The following RLIG1 variants were observed in gnomAD, a reference collection of about 807,000 sequenced individuals.
RLIG1 encodes the protein RNA 5'-phosphate and 3'-OH ligase 1.
the RLIG1 span, chr12:88,048,196 T>A: frequency 2.8e-6 from 4 of 1,436,592 alleles, no homozygotes; most frequent in Non-Finnish European, 3.7e-6. Context: ...GAAGATAGTA[T>A]CTGTATGCTA....
chr12:88,043,702 T>C, the RLIG1 span: 1 of 1,609,346 alleles, frequency 6.2e-7, no homozygotes, highest in Non-Finnish European at 8.5e-7. Context: ...CTGATGAAAA[T>C]GGACACATTC....
chr12:88,036,185 A>G, the RLIG1 span: 4 of 780,864 alleles, frequency 5.1e-6, no homozygotes, highest in African/African-American at 1.8e-5. Flanking sequence ...TGTTGACAGT[A>G]GCCTAATTAG....
chr12:88,047,251 T>G, the RLIG1 span, among the ~76,000 whole-genome samples: 1 of 152,142 alleles, frequency 6.6e-6, no homozygotes, highest in Non-Finnish European at 1.5e-5. Flanking sequence ...AGTAGTGCTC[T>G]CAGAGACATC....
At chr12:88,049,691 A>C in the RLIG1 span, 1 of 238,038 alleles carries the variant, frequency 4.2e-6, no homozygotes. Flanking sequence ...TTTCTCTAAA[A>C]GCATATAAGA....
the RLIG1 span, chr12:88,043,684 C>T: frequency 6.2e-7 from 1 of 1,612,522 alleles, no homozygotes; most frequent in Non-Finnish European, 8.5e-7. Flanking sequence ...TAAATGGGAA[C>T]CCAGTGCCTG....
chr12:88,048,091 G>A, the RLIG1 span: 2 of 481,032 alleles, frequency 4.2e-6, no homozygotes, highest in Non-Finnish European at 6.9e-6. Flanking sequence ...AATATGTCAG[G>A]AGAAGACCAG....
At chr12:88,048,270 CCAGATA>C in the RLIG1 span, 2 of 1,593,938 alleles carry the variant, frequency 1.3e-6, no homozygotes, top group Non-Finnish European at 1.7e-6. Context: ...CTGGCCAATT[CCAGATA>C]CTTACATGAA....
At chr12:88,048,281 CA>C in the RLIG1 span, 1 of 1,598,348 alleles carries the variant, frequency 6.3e-7, no homozygotes, top group African/African-American at 1.3e-5. Flanking sequence ...CAGATACTTA[CA>C]TGAATTCAAG....
At chr12:88,039,199 A>G in the RLIG1 span, among the ~76,000 whole-genome samples, 2 of 152,172 alleles carry the variant, frequency 1.3e-5, no homozygotes, top group Non-Finnish European at 2.9e-5. Flanking sequence ...AGGCAAAAAC[A>G]AAGTATGAAC....
chr12:88,035,799 T>A, the RLIG1 span: 6 of 1,552,300 alleles, frequency 3.9e-6, no homozygotes, highest in Non-Finnish European at 5.2e-6. Flanking sequence ...CGGCGCTGGC[T>A]CAGTGCGAAC....
chr12:88,041,100 C>T, the RLIG1 span, among the ~76,000 whole-genome samples: 3 of 152,132 alleles, frequency 2.0e-5, no homozygotes, highest in Admixed American at 1.3e-4. Context: ...CATGAAACAA[C>T]TCCTTATTCT....
the RLIG1 span, among the ~76,000 whole-genome samples, chr12:88,047,620 C>G: frequency 6.6e-6 from 1 of 152,074 alleles, no homozygotes; most frequent in Non-Finnish European, 1.5e-5. Context: ...CTTTAACTAT[C>G]ATATCACCCT....
chr12:88,050,023 G>A, the RLIG1 span: 22 of 192,676 alleles, frequency 1.1e-4, no homozygotes, highest in Non-Finnish European at 1.8e-4. Context: ...TTTTTTAAGG[G>A]AACTATAACC....
chr12:88,050,056 C>CA, the RLIG1 span: 711 of 211,494 alleles, frequency 3.4e-3, no homozygotes, highest in Middle Eastern at 0.012. Context: ...AAAAGAATTT[C>CA]AAAAAAAAAA....
At chr12:88,045,939 A>G in the RLIG1 span, among the ~76,000 whole-genome samples, 1 of 152,192 alleles carries the variant, frequency 6.6e-6, no homozygotes, top group Non-Finnish European at 1.5e-5. Flanking sequence ...ACATTCACAG[A>G]GAAATGAAAC....
the RLIG1 span, chr12:88,045,934 C>A: frequency 1.4e-5 from 9 of 623,574 alleles, 1 homozygote; most frequent in East Asian, 2.2e-4. Context: ...ACTTTACATT[C>A]ACAGAGAAAT....
At chr12:88,040,348 C>T in the RLIG1 span, 62 of 782,368 alleles carry the variant, frequency 7.9e-5, no homozygotes, top group East Asian at 1.8e-3. Context: ...GAGGCATTTG[C>T]TCTTCATAAA....
At chr12:88,042,836 C>T in the RLIG1 span, 4 of 1,507,594 alleles carry the variant, frequency 2.7e-6, no homozygotes, top group Non-Finnish European at 3.5e-6. Flanking sequence ...TCAGCCATAC[C>T]TTTGGGCTCG....
chr12:88,036,091 A>G, the RLIG1 span: 1 of 1,356,140 alleles, frequency 7.4e-7, no homozygotes, highest in East Asian at 4.3e-5. Context: ...CCACAGTCCA[A>G]GCTTTACTAC....
Sources: allele counts gnomAD v4.1 joint callset (sites outside exome capture counted in the v4.1 genomes callset), GRCh38; gene constraint gnomAD v4.1.1; transcripts MANE v1.5; gene names NCBI Gene and HGNC (gene_info 2026-07-23, HGNC 2026-07-21).